The following KIRREL3 variants were observed in gnomAD, a reference collection of about 807,000 sequenced individuals.
KIRREL3 encodes kin of IRRE-like protein 3.
A neutral mutation model predicts 89.7 loss-of-function variants in KIRREL3; 36 were observed. That is an observed-to-expected ratio of 0.40 (90% CI 0.31 to 0.53). The LOEUF (loss-of-function observed/expected upper bound fraction) is 0.53. Among genes scored for constraint, KIRREL3 ranks in the 20% least tolerant of loss-of-function variants. The pLI is 0.49. For synonymous variants in KIRREL3, 445 were observed against 441.4 expected, an observed-to-expected ratio of 1.01 and a Z score of -0.10; for missense variants, 864 against 1,056.6, an observed-to-expected ratio of 0.82 and a Z score of 2.53.
chr11:126,838,718 A>C (rs1025630275), intron 1 of KIRREL3, among the ~76,000 whole-genome samples: 1 of 152,174 alleles, frequency 6.6e-6, no homozygotes, highest in Non-Finnish European at 1.5e-5. Context: ...GACAGTGGTA[A>C]ATGGAATTTT....
In KIRREL3 at chr11:126,424,532, G is replaced by C. The variant is rs532764140; in HGVS notation, c.*48C>G. On this transcript the variant is annotated 3_prime_UTR_variant, in exon 17 of 17. Transcript: ENST00000525144. The stretch of plus-strand genomic sequence containing the variant: ...CCCCTCGTCCCTGGACAACCAGAAC[G>C]TGCCCTGACCTCTTCCCTGGCCCGT... The C allele has an allele frequency of 3.8e-6, 6 of 1,578,364 alleles. No homozygotes were observed. Among genetic ancestry groups the C allele is most frequent in the Admixed American group, 1.7e-5 (1 of 58,618 alleles).
chr11:126,803,421 A>G (rs1951103577), intron 1 of KIRREL3, among the ~76,000 whole-genome samples: 1 of 152,224 alleles, frequency 6.6e-6, no homozygotes, highest in Admixed American at 6.5e-5. Context: ...CTGGGTGTCA[A>G]CAAAGGATTG....
intron 1 of KIRREL3, among the ~76,000 whole-genome samples, chr11:126,799,877 G>A (rs1015131707): frequency 6.6e-6 from 1 of 152,182 alleles, no homozygotes; most frequent in East Asian, 1.9e-4. Flanking sequence ...ACCTAAAAGC[G>A]CAGGAGCCTG....
At chr11:126,751,862 T>C (rs567631823) in intron 1 of KIRREL3, among the ~76,000 whole-genome samples, 1 of 152,254 alleles carries the variant, frequency 6.6e-6, no homozygotes, top group Admixed American at 6.5e-5. Flanking sequence ...GTGGAGTTTA[T>C]TTCTTGTTTA....
intron 1 of KIRREL3, among the ~76,000 whole-genome samples, chr11:126,839,000 A>G (rs1355435803): frequency 2.0e-5 from 3 of 152,192 alleles, no homozygotes; most frequent in Non-Finnish European, 4.4e-5. Flanking sequence ...AAGAAGAGGT[A>G]CTGCATGGGC....
At chr11:126,738,225 A>T (rs1261589287) in intron 1 of KIRREL3, among the ~76,000 whole-genome samples, 1 of 152,210 alleles carries the variant, frequency 6.6e-6, no homozygotes, top group Non-Finnish European at 1.5e-5. Context: ...GAATGAAATT[A>T]ATTAATTAAT....
At chr11:126,494,310 AC>A (rs1436879734) in intron 4 of KIRREL3, among the ~76,000 whole-genome samples, 1 of 152,230 alleles carries the variant, frequency 6.6e-6, no homozygotes. Context: ...TTTAAGTGTA[AC>A]ATAATGTTGG....
At chr11:126,793,963 C>A (rs190726120) in intron 1 of KIRREL3, among the ~76,000 whole-genome samples, 9 of 152,278 alleles carry the variant, frequency 5.9e-5, no homozygotes, top group Admixed American at 2.6e-4. Flanking sequence ...TGAAAGGGTG[C>A]ATTTCTAATG....
At position 126,427,377 on chromosome 11, in the gene KIRREL3, A is replaced by T; in HGVS notation, c.1807-1653T>A. On this transcript the variant is annotated intron_variant, in intron 15 of 16. Transcript: ENST00000525144. The surrounding 1 kb of genome is among the most constrained non-coding windows in gnomAD (Gnocchi z 5.3). ...AGCTGACATGGAATTGGGGGAATGC[A>T]CTATAAAGGAGGCACATACAAAGTG... Among the ~76,000 whole-genome samples, 1 of 145,340 alleles carries T rather than the reference A, an allele frequency of 6.9e-6. No individual in the cohort carries two copies. Among genetic ancestry groups the T allele is most frequent in the East Asian group, 2.6e-4 (1 of 3,868 alleles).
intron 1 of KIRREL3, among the ~76,000 whole-genome samples, chr11:126,864,888 A>G (rs1231377501): frequency 1.3e-5 from 2 of 152,050 alleles, no homozygotes; most frequent in African/African-American, 4.8e-5. Context: ...CAGCTCATCC[A>G]CCATCATCTG....
At chr11:126,730,641 C>T (rs548137304) in intron 1 of KIRREL3, among the ~76,000 whole-genome samples, 21 of 152,320 alleles carry the variant, frequency 1.4e-4, no homozygotes, top group South Asian at 6.2e-4. Flanking sequence ...GAGCTGAACA[C>T]GATACAATGC....
At position 126,687,007 on chromosome 11, in the gene KIRREL3, T is replaced by C. The variant is rs534295879; in HGVS notation, c.56-124095A>G. On this transcript the variant is annotated intron_variant, in intron 1 of 16. Coordinates refer to ENST00000525144, the MANE Select transcript of KIRREL3 (RefSeq NM_032531.4). The surrounding 1 kb of genome is among the most constrained non-coding windows in gnomAD (Gnocchi z 4.6). ...CATCCCTGGAACTGCAGTAGAGGAGTATGGCTAGAAGGCAGGACAATGAGG... is the reference window on the plus strand; with the variant it reads ...CATCCCTGGAACTGCAGTAGAGGAGCATGGCTAGAAGGCAGGACAATGAGG... 5.7e-4 allele frequency among the ~76,000 whole-genome samples: 87 copies of C among 151,840 alleles called. No homozygotes were observed. Among genetic ancestry groups the C allele is most frequent in the Non-Finnish European group, 8.8e-4 (60 of 67,970 alleles).
intron 2 of KIRREL3, among the ~76,000 whole-genome samples, chr11:126,543,182 G>A (rs904760473): frequency 2.0e-5 from 3 of 152,166 alleles, no homozygotes; most frequent in Non-Finnish European, 2.9e-5. Flanking sequence ...CAAAGAGAAC[G>A]AAGCAAAACT....
rs1958851805 is a variant in KIRREL3 at position 126,528,914 on chromosome 11, T to G, written c.134-2227A>C. Among the ~76,000 whole-genome samples, 1 of 152,036 alleles carries G rather than the reference T, an allele frequency of 6.6e-6. No individual in the cohort carries two copies. Among genetic ancestry groups the G allele is most frequent in the Non-Finnish European group, 1.5e-5 (1 of 68,010 alleles). The stretch of plus-strand genomic sequence containing the variant: ...GGCTCCTTTTACTCTAATGATGATT[T>G]CACAGCTCATCCTTTTATCTCAAAA... On this transcript the variant is annotated intron_variant, in intron 2 of 16. Transcript: ENST00000525144. The surrounding 1 kb of genome is among the most constrained non-coding windows in gnomAD (Gnocchi z 4.6).
chr11:126,875,301 C>T (rs1325663187), intron 1 of KIRREL3, among the ~76,000 whole-genome samples: 2 of 152,180 alleles, frequency 1.3e-5, no homozygotes, highest in South Asian at 4.1e-4. Context: ...AACCACTCTT[C>T]TCCCCTAGTG....
rs570673338 is a variant in KIRREL3 at position 126,558,138 on chromosome 11, C to T, written c.133+4697G>A. On this transcript the variant is annotated intron_variant, in intron 2 of 16. Coordinates refer to ENST00000525144, the MANE Select transcript of KIRREL3 (RefSeq NM_032531.4). This position sits in a 1 kb window ranked among gnomAD's most constrained non-coding sequence, Gnocchi z 4.0. ...AGGGAGGAGTACCCTCCTGTGCAGGCCCCCCTCTGCCCCAAGGGGATGGCT... is the reference window on the plus strand; with the variant it reads ...AGGGAGGAGTACCCTCCTGTGCAGGTCCCCCTCTGCCCCAAGGGGATGGCT... Among the ~76,000 whole-genome samples, 1 of 152,174 alleles carries T rather than the reference C, an allele frequency of 6.6e-6. No homozygotes were observed. The highest frequency in any genetic ancestry group is 1.5e-5 in the Non-Finnish European group (1 of 68,030).
chr11:126,532,785 A>C (rs1454516137), intron 2 of KIRREL3, among the ~76,000 whole-genome samples: 1 of 152,170 alleles, frequency 6.6e-6, no homozygotes, highest in African/African-American at 2.4e-5. Context: ...AGTAACACTG[A>C]AACGGTTGAG....
intron 1 of KIRREL3, among the ~76,000 whole-genome samples, chr11:126,582,407 A>G (rs1257843174): frequency 6.6e-6 from 1 of 152,200 alleles, no homozygotes; most frequent in Non-Finnish European, 1.5e-5. Context: ...ATCAGAACGC[A>G]TTCCCCTGAT....
At chr11:126,911,980 C>T (rs1374514518) in intron 1 of KIRREL3, among the ~76,000 whole-genome samples, 1 of 33,594 alleles carries the variant, frequency 3.0e-5, no homozygotes, top group Non-Finnish European at 5.2e-5. Flanking sequence ...GAGACTCTGT[C>T]TCAAAAAAAA....
Sources: allele counts gnomAD v4.1 joint callset (sites outside exome capture counted in the v4.1 genomes callset), GRCh38; gene constraint gnomAD v4.1.1; non-coding constraint Gnocchi (gnomAD v3.1); transcripts MANE v1.5; gene names NCBI Gene and HGNC (gene_info 2026-07-23, HGNC 2026-07-21).